LDB2: variants seen among roughly 807,000 people sequenced by gnomAD.
LDB2 encodes LIM domain-binding protein 2.
In LDB2, 12 loss-of-function variants were observed where a neutral mutation model predicts 44.3. That is an observed-to-expected ratio of 0.27 (90% CI 0.17 to 0.44). The LOEUF (loss-of-function observed/expected upper bound fraction) is 0.44. Ranked by LOEUF, LDB2 falls within the 20% of genes least tolerant of loss-of-function variation. The probability of loss-of-function intolerance (pLI) is 1.00; values close to 1 mark genes in which losing one functional copy is unlikely to be tolerated. For missense variants in LDB2, 344 were observed against 473.5 expected, an observed-to-expected ratio of 0.73 and a Z score of 2.54; for synonymous variants, 164 against 174.8, an observed-to-expected ratio of 0.94 and a Z score of 0.49.
chr4:16,624,283 G>A (rs1729686322), intron 2 of LDB2, among the ~76,000 whole-genome samples: 1 of 152,090 alleles, frequency 6.6e-6, no homozygotes, highest in Admixed American at 6.6e-5. Flanking sequence ...TTTTTATAGA[G>A]GCAGGGTCTC....
At chr4:16,520,529 C>A (rs547286775) in intron 5 of LDB2, among the ~76,000 whole-genome samples, 2 of 152,162 alleles carry the variant, frequency 1.3e-5, no homozygotes, top group Non-Finnish European at 2.9e-5. Flanking sequence ...TCCTTTTTAT[C>A]TGAAGATGCA....
At chr4:16,612,064 TA>T (rs1725800012) in intron 2 of LDB2, among the ~76,000 whole-genome samples, 1 of 152,112 alleles carries the variant, frequency 6.6e-6, no homozygotes, top group South Asian at 2.1e-4. Context: ...AGAAACTCAG[TA>T]AAAACCACAC....
intron 5 of LDB2, among the ~76,000 whole-genome samples, chr4:16,541,060 G>A (rs1577503863): frequency 1.3e-5 from 2 of 152,294 alleles, no homozygotes; most frequent in African/African-American, 4.8e-5. Context: ...AATAGAACTT[G>A]AGTGTTTTCA....
chr4:16,794,804 C>A (rs977475162), intron 1 of LDB2, among the ~76,000 whole-genome samples: 3 of 152,222 alleles, frequency 2.0e-5, no homozygotes, highest in Non-Finnish European at 4.4e-5. Context: ...CTTACTGAAG[C>A]TTCATCTTTC....
intron 2 of LDB2, among the ~76,000 whole-genome samples, chr4:16,702,434 T>C (rs1354457581): frequency 6.6e-5 from 10 of 152,156 alleles, no homozygotes; most frequent in Admixed American, 6.5e-4. Flanking sequence ...CACCTGAACA[T>C]GTATCATTTT....
chr4:16,675,775 GCTGT>G (rs1746125600), intron 2 of LDB2, among the ~76,000 whole-genome samples: 1 of 152,124 alleles, frequency 6.6e-6, no homozygotes, highest in Non-Finnish European at 1.5e-5. Flanking sequence ...CTATCAATAT[GCTGT>G]CTGTGTATCT....
chr4:16,769,549 G>T (rs570380540), intron 1 of LDB2, among the ~76,000 whole-genome samples: 46 of 151,582 alleles, frequency 3.0e-4, no homozygotes, highest in African/African-American at 9.9e-4. Context: ...ACCCGCCTCA[G>T]CCTCCCAAAG....
At chr4:16,734,700 TTTC>T (rs1761492326) in intron 2 of LDB2, among the ~76,000 whole-genome samples, 1 of 117,956 alleles carries the variant, frequency 8.5e-6, no homozygotes, top group African/African-American at 3.2e-5. Flanking sequence ...AACTTCTTGT[TTTC>T]TTTTTTTTTT....
intron 2 of LDB2, among the ~76,000 whole-genome samples, chr4:16,604,889 T>C (rs1242303703): frequency 6.6e-6 from 1 of 152,148 alleles, no homozygotes; most frequent in Admixed American, 6.6e-5. Context: ...TATACCACAT[T>C]TTTGGATAAA....
intron 1 of LDB2, among the ~76,000 whole-genome samples, chr4:16,868,938 T>C (rs983514705): frequency 6.6e-6 from 1 of 152,168 alleles, no homozygotes; most frequent in Non-Finnish European, 1.5e-5. Flanking sequence ...CTGGTGATGA[T>C]GATGCCGGTG....
At chr4:16,665,634 G>C (rs1326283940) in intron 2 of LDB2, among the ~76,000 whole-genome samples, 2 of 152,126 alleles carry the variant, frequency 1.3e-5, no homozygotes. Context: ...TCCTACCTGA[G>C]CATGAGCAGA....
At chr4:16,777,251 G>A (rs539848695) in intron 1 of LDB2, among the ~76,000 whole-genome samples, 1 of 152,116 alleles carries the variant, frequency 6.6e-6, no homozygotes, top group Non-Finnish European at 1.5e-5. Context: ...CGTGAGGGTG[G>A]AGCATACGGT....
chr4:16,511,947 G>A (rs200835781), intron 6 of LDB2, 34 bp downstream of exon 6: 112 of 1,588,542 alleles, frequency 7.1e-5, no homozygotes, highest in Middle Eastern at 1.7e-4. Flanking sequence ...CTCTGAAAAC[G>A]TGTTTAGAGA....
intron 1 of LDB2, among the ~76,000 whole-genome samples, chr4:16,829,825 G>A (rs1783741838): frequency 6.6e-6 from 1 of 152,186 alleles, no homozygotes; most frequent in Non-Finnish European, 1.5e-5. Flanking sequence ...AACACACACA[G>A]GCCGGGTGCG....
chr4:16,699,526 C>T (rs1752949615), intron 2 of LDB2, among the ~76,000 whole-genome samples: 1 of 152,012 alleles, frequency 6.6e-6, no homozygotes, highest in South Asian at 2.1e-4. Flanking sequence ...ATATGATGGC[C>T]TTGTATCCAT....
In LDB2 at chr4:16,717,184, A is replaced by G. The variant is rs2872486; in HGVS notation, c.235+41974T>C. On this transcript the variant is annotated intron_variant, in intron 2 of 7. Transcript: ENST00000304523. The stretch of plus-strand genomic sequence containing the variant: ...AAATAATAATAATAATAATAATAAT[A>G]ATAATGATGATGAGGAGGACTACAT... Among the ~76,000 whole-genome samples, 539 of 93,430 alleles carry G rather than the reference A, an allele frequency of 5.8e-3. 2 individuals carry two copies. The highest frequency in any genetic ancestry group is 0.012 in the East Asian group (20 of 1,698). The allele number at this position is 93,430 out of a possible 152,430, so 61.3% of individuals were successfully genotyped here. A position where few individuals can be genotyped will look rare whatever the true frequency, so the allele number is the denominator to read the frequency against.
chr4:16,605,664 C>A (rs1723727801), intron 2 of LDB2, among the ~76,000 whole-genome samples: 1 of 152,154 alleles, frequency 6.6e-6, no homozygotes, highest in Non-Finnish European at 1.5e-5. Flanking sequence ...TTTTGTTCAA[C>A]AGAATAGATG....
In LDB2 at chr4:16,857,905, C is replaced by T. The variant is rs375733812; in HGVS notation, c.132+40449G>A. On this transcript the variant is annotated intron_variant, in intron 1 of 7. Transcript: ENST00000304523. ...CTTGTGTTCATGTTTATTTGTTTAC[C>T]GTCCCTCCCTCCCTCCCCTCAGCCC... is the stretch of plus-strand genomic sequence containing the variant. 6.6e-5 allele frequency among the ~76,000 whole-genome samples: 10 copies of T among 152,044 alleles called. No homozygotes were observed. The East Asian group carries it at 7.8e-4, about 12-fold the overall frequency.
intron 5 of LDB2, among the ~76,000 whole-genome samples, chr4:16,564,440 C>A (rs1743738956): frequency 6.6e-6 from 1 of 152,202 alleles, no homozygotes; most frequent in African/African-American, 2.4e-5. Flanking sequence ...CAAAAGCCAA[C>A]TGAAATATTC....
Sources: allele counts gnomAD v4.1 joint callset (sites outside exome capture counted in the v4.1 genomes callset), GRCh38; gene constraint gnomAD v4.1.1; transcripts MANE v1.5; gene names NCBI Gene and HGNC (gene_info 2026-07-23, HGNC 2026-07-21).